SLC1A3: variants seen among roughly 807,000 people sequenced by gnomAD.
The protein encoded by SLC1A3 is solute carrier family 1 member 3.
In SLC1A3, 21 loss-of-function variants were observed where a neutral mutation model predicts 48.1. The ratio of observed to expected loss-of-function variants is 0.44; its 90% CI spans 0.31 to 0.63. SLC1A3 has a LOEUF of 0.63. Among genes scored for constraint, SLC1A3 ranks in the 20% least tolerant of loss-of-function variants. The pLI, the probability that SLC1A3 is intolerant of heterozygous loss-of-function variation, is 0.08. For synonymous variants in SLC1A3, 239 were observed against 251.4 expected, an observed-to-expected ratio of 0.95 and a Z score of 0.47; for missense variants, 546 against 689.0, an observed-to-expected ratio of 0.79 and a Z score of 2.32.
intron 2 of SLC1A3, 130 bp downstream of exon 2, chr5:36,608,734 G>C: frequency 1.3e-6 from 2 of 1,490,306 alleles, no homozygotes; most frequent in Non-Finnish European, 1.8e-6. Context: ...CTCTGAACTT[G>C]ATGATTTTTC....
chr5:36,661,473 C>A (rs1741512759), intron 3 of SLC1A3, among the ~76,000 whole-genome samples: 1 of 151,998 alleles, frequency 6.6e-6, no homozygotes, highest in South Asian at 2.1e-4. Flanking sequence ...GCTTTTTTTT[C>A]TTTAAAGAAA....
intron 3 of SLC1A3, among the ~76,000 whole-genome samples, chr5:36,670,570 T>A (rs1741947268): frequency 6.6e-6 from 1 of 152,236 alleles, no homozygotes; most frequent in South Asian, 2.1e-4. Flanking sequence ...GCAGTTAATC[T>A]GTGTGTGAAT....
Position 36,687,323 on chromosome 5 carries a change from A to G in SLC1A3, c.*1054A>G. ...CTGTGGAACACTAAAGAGCTAGGAA[A>G]GAGTTGAGCACAGGCAACATTACAA... On this transcript the variant is annotated 3_prime_UTR_variant, in exon 10 of 10. Coordinates refer to ENST00000265113, the MANE Select transcript of SLC1A3 (RefSeq NM_004172.5). The G allele has an allele frequency of 6.6e-6, 1 of 152,282 alleles. No individual in the cohort carries two copies. The highest frequency in any genetic ancestry group is 1.5e-5 in the Non-Finnish European group (1 of 68,054). The allele number at this position is 152,282 out of a possible 1,614,324, so 9.4% of individuals were successfully genotyped here.
chr5:36,673,069 A>G (rs545000089), intron 4 of SLC1A3, among the ~76,000 whole-genome samples: 45 of 152,276 alleles, frequency 3.0e-4, no homozygotes, highest in Admixed American at 5.9e-4. Context: ...ACTTGGTTTG[A>G]ACATTTATCC....
At chr5:36,680,369 G>A in intron 7 of SLC1A3, 26 bp from the exon 8 acceptor site, 1 of 1,593,180 alleles carries the variant, frequency 6.3e-7, no homozygotes, top group Non-Finnish European at 8.6e-7. Context: ...ACACTCAGCT[G>A]ATGTGCCCTA....
chr5:36,686,422 G>T lies in SLC1A3; in HGVS notation c.*153G>T, dbSNP rs912933437. ...GGAAAATAGTCCTCCAAAACACAAG[G>T]GAGGATTTTGGGTGGCCAAAGTGTA... On this transcript the variant is annotated 3_prime_UTR_variant, in exon 10 of 10. Coordinates refer to ENST00000265113, the MANE Select transcript of SLC1A3 (RefSeq NM_004172.5). 1.5e-6 allele frequency: 1 copy of T among 686,690 alleles called. No homozygotes were observed. 42.5% of individuals were successfully genotyped at this position (686,690 alleles called of 1,614,324 possible).
intron 8 of SLC1A3, among the ~76,000 whole-genome samples, chr5:36,681,219 T>G (rs1306224744): frequency 6.6e-6 from 1 of 152,234 alleles, no homozygotes; most frequent in African/African-American, 2.4e-5. Flanking sequence ...CACACTTCTT[T>G]TTTGTAGTTA....
chr5:36,666,909 A>G (rs1394465052), intron 3 of SLC1A3, among the ~76,000 whole-genome samples: 2 of 152,072 alleles, frequency 1.3e-5, no homozygotes, highest in Non-Finnish European at 2.9e-5. Context: ...ATAATTACCT[A>G]TTTGCTCAAG....
In SLC1A3 at chr5:36,629,595, A is replaced by C; in HGVS notation, c.319+8A>C. 1 of 1,612,006 alleles carries C rather than the reference A, an allele frequency of 6.2e-7. No homozygotes were observed. Among genetic ancestry groups the C allele is most frequent in the South Asian group, 1.1e-5 (1 of 91,046 alleles). On this transcript the variant is annotated splice_region_variant and intron_variant, in intron 3 of 9. Coordinates refer to ENST00000265113, the MANE Select transcript of SLC1A3 (RefSeq NM_004172.5). ...TCTCCAGTCTTGTCACAGGTACCAT[A>C]AGCAGTTGTTGGTTTGTTTGGTTTT...
At position 36,686,047 on chromosome 5, in the gene SLC1A3, T is replaced by C. The variant is rs368124066; in HGVS notation, c.1425-18T>C. On this transcript the variant is annotated intron_variant, in intron 9 of 9. Coordinates refer to ENST00000265113, the MANE Select transcript of SLC1A3 (RefSeq NM_004172.5). ...TCACGGGAGCCTCGTTTTTCCCTCC[T>C]CCCCACCCTGCCTGCAGGGATCGCC... 1 of 1,611,712 alleles carries C rather than the reference T, an allele frequency of 6.2e-7. No homozygotes were observed. The highest frequency in any genetic ancestry group is 8.5e-7 in the Non-Finnish European group (1 of 1,178,172).
At chr5:36,666,446 A>C (rs1406861196) in intron 3 of SLC1A3, 1 of 152,244 alleles carries the variant, frequency 6.6e-6, no homozygotes, top group Admixed American at 6.5e-5. Flanking sequence ...AGCAGTTGCC[A>C]TCACTCTTTT....
chr5:36,669,764 G>A (rs1184846345), intron 3 of SLC1A3: 1 of 151,958 alleles, frequency 6.6e-6, no homozygotes, highest in African/African-American at 2.4e-5. Flanking sequence ...CAGTTATCTG[G>A]CAATCGTAGA....
intron 2 of SLC1A3, chr5:36,612,743 C>T (rs1400082615): frequency 4.4e-6 from 2 of 455,186 alleles, no homozygotes; most frequent in Admixed American, 4.7e-5. Context: ...TCTCATTGTA[C>T]AGATGAAAAA....
chr5:36,616,361 G>C (rs929962719), intron 2 of SLC1A3, among the ~76,000 whole-genome samples: 2 of 152,172 alleles, frequency 1.3e-5, no homozygotes, highest in African/African-American at 4.8e-5. Flanking sequence ...TTTAGATAAA[G>C]GAAGATATAC....
chr5:36,629,690 T>G, intron 3 of SLC1A3, 103 bp downstream of exon 3: 2 of 971,558 alleles, frequency 2.1e-6, no homozygotes, highest in Non-Finnish European at 3.3e-6. Flanking sequence ...GGATGCATGC[T>G]CTGTTCTAGA....
intron 1 of SLC1A3, among the ~76,000 whole-genome samples, chr5:36,600,858 A>C (rs141924069): frequency 6.6e-6 from 1 of 152,322 alleles, no homozygotes; most frequent in African/African-American, 2.4e-5. Context: ...CCTTACCCCC[A>C]GATTACTATG....
At chr5:36,663,716 G>C (rs1364664005) in intron 3 of SLC1A3, among the ~76,000 whole-genome samples, 1 of 152,184 alleles carries the variant, frequency 6.6e-6, no homozygotes, top group Non-Finnish European at 1.5e-5. Flanking sequence ...GCTAAGCTGT[G>C]TTATAGGCTA....
chr5:36,603,477 T>A (rs1738831431), upstream of SLC1A3, among the ~76,000 whole-genome samples: 1 of 152,250 alleles, frequency 6.6e-6, no homozygotes, highest in Non-Finnish European at 1.5e-5. Flanking sequence ...AATAAATGAA[T>A]GTGATAAAGT....
chr5:36,680,650 G>A (rs1444851260), intron 8 of SLC1A3, 61 bp downstream of exon 8: 2 of 1,396,140 alleles, frequency 1.4e-6, no homozygotes, highest in African/African-American at 1.4e-5. Context: ...GGGCGTGGTG[G>A]CTCACGCCTG....
Sources: allele counts gnomAD v4.1 joint callset (sites outside exome capture counted in the v4.1 genomes callset), GRCh38; gene constraint gnomAD v4.1.1; transcripts MANE v1.5; gene names NCBI Gene and HGNC (gene_info 2026-07-23, HGNC 2026-07-21).